The following ITGA9 variants were observed in gnomAD, a reference collection of about 807,000 sequenced individuals.
ITGA9 encodes the protein integrin subunit alpha 9, also known as integrin alpha-9.
Under a neutral mutation model 127.8 loss-of-function variants are expected in ITGA9, and 56 were observed. The observed-to-expected ratio is 0.44, with a 90% CI of 0.35 to 0.55. ITGA9 has a LOEUF of 0.55. Among genes scored for constraint, ITGA9 ranks in the 20% least tolerant of loss-of-function variants. ITGA9 has a pLI of 0.00. For synonymous variants in ITGA9, 508 were observed against 514.5 expected (o/e 0.99, Z 0.17); for missense variants, 1,196 against 1,347.1 (o/e 0.89, Z 1.76).
intron 17 of ITGA9, among the ~76,000 whole-genome samples, chr3:37,665,698 A>G (rs1388185403): frequency 6.6e-6 from 1 of 151,778 alleles, no homozygotes; most frequent in Non-Finnish European, 1.5e-5. Flanking sequence ...CAAGCAATCC[A>G]CCTGCCTTGG....
chr3:37,543,115 A>G (rs1325908976), intron 15 of ITGA9, among the ~76,000 whole-genome samples: 5 of 152,186 alleles, frequency 3.3e-5, no homozygotes, highest in African/African-American at 4.8e-5. Context: ...ATAAACTTGC[A>G]AATGTTTTTC....
At chr3:37,523,862 C>T (rs573319965) in intron 12 of ITGA9, among the ~76,000 whole-genome samples, 80 of 152,082 alleles carry the variant, frequency 5.3e-4, no homozygotes, top group Middle Eastern at 3.4e-3. Flanking sequence ...GTTTCTGGGG[C>T]GGTAATTCTA....
At chr3:37,813,147 G>A (rs1697388769) in intron 27 of ITGA9, among the ~76,000 whole-genome samples, 1 of 152,180 alleles carries the variant, frequency 6.6e-6, no homozygotes. Context: ...AGGGGCTCGT[G>A]GGTTTCCTGG....
chr3:37,742,162 C>T (rs1696445517), intron 21 of ITGA9, among the ~76,000 whole-genome samples: 1 of 152,218 alleles, frequency 6.6e-6, no homozygotes, highest in Admixed American at 6.5e-5. Context: ...TAACAAGCAG[C>T]ATGGCTCCTG....
chr3:37,666,809 G>A (rs1287005245), intron 17 of ITGA9, among the ~76,000 whole-genome samples: 1 of 152,202 alleles, frequency 6.6e-6, no homozygotes, highest in Non-Finnish European at 1.5e-5. Context: ...GTCAATCAGT[G>A]CATCATCCCC....
intron 15 of ITGA9, among the ~76,000 whole-genome samples, chr3:37,567,863 T>A (rs1020110555): frequency 5.3e-5 from 8 of 152,174 alleles, no homozygotes; most frequent in Admixed American, 3.9e-4. Context: ...ACCTGGCTGC[T>A]TTCACTGGCT....
At chr3:37,632,643 C>T (rs993093770) in intron 16 of ITGA9, among the ~76,000 whole-genome samples, 4 of 152,112 alleles carry the variant, frequency 2.6e-5, no homozygotes, top group Non-Finnish European at 5.9e-5. Context: ...TTATCATAGA[C>T]ACATCATTTT....
intron 22 of ITGA9, 68 bp downstream of exon 22, chr3:37,744,102 A>C (rs1249643134): frequency 1.9e-6 from 2 of 1,042,626 alleles, no homozygotes; most frequent in African/African-American, 3.1e-5. Context: ...TGTCTCTCCT[A>C]CAGAGGGCTA....
chr3:37,548,700 T>A (rs1699351099), intron 15 of ITGA9, among the ~76,000 whole-genome samples: 4 of 152,194 alleles, frequency 2.6e-5, no homozygotes. Context: ...CATAGTATCC[T>A]GGCTGAGGAC....
chr3:37,818,817 C>T, intron 27 of ITGA9, 74 bp from the exon 28 acceptor site: 1 of 1,115,426 alleles, frequency 9.0e-7, no homozygotes, highest in East Asian at 2.4e-5. Flanking sequence ...TACCCAGGGA[C>T]AGACTGCCTT....
intron 17 of ITGA9, among the ~76,000 whole-genome samples, chr3:37,659,884 C>G (rs534988450): frequency 1.3e-5 from 2 of 152,074 alleles, no homozygotes; most frequent in South Asian, 4.2e-4. Flanking sequence ...TACACTAGTA[C>G]ATTTTAACTT....
chr3:37,782,157 A>G (rs767902865), intron 25 of ITGA9, among the ~76,000 whole-genome samples: 5 of 152,218 alleles, frequency 3.3e-5, no homozygotes, highest in Non-Finnish European at 5.9e-5. Context: ...GCCTCTGCAT[A>G]TGTACCTGTC....
chr3:37,658,838 C>T (rs1257974584), intron 17 of ITGA9, among the ~76,000 whole-genome samples: 1 of 152,092 alleles, frequency 6.6e-6, no homozygotes, highest in Non-Finnish European at 1.5e-5. Context: ...TTTTCCTTTC[C>T]ATGTTTAGTG....
intron 13 of ITGA9, among the ~76,000 whole-genome samples, chr3:37,529,913 C>T (rs539521645): frequency 2.3e-4 from 35 of 150,364 alleles, no homozygotes; most frequent in African/African-American, 7.6e-4. Flanking sequence ...GGTTCAGTTC[C>T]GGTACATGGG....
intron 18 of ITGA9, among the ~76,000 whole-genome samples, chr3:37,700,717 C>A (rs1423723585): frequency 6.6e-6 from 1 of 152,130 alleles, no homozygotes; most frequent in African/African-American, 2.4e-5. Context: ...GTGGTAGGAT[C>A]TCAATCTTTG....
intron 25 of ITGA9, among the ~76,000 whole-genome samples, chr3:37,783,807 AT>A (rs1237939694): frequency 2.6e-5 from 4 of 152,242 alleles, no homozygotes; most frequent in Non-Finnish European, 5.9e-5. Context: ...TCCCAAAAGC[AT>A]TTAAAATGTG....
At chr3:37,545,266 C>T (rs1699314744) in intron 15 of ITGA9, among the ~76,000 whole-genome samples, 1 of 152,156 alleles carries the variant, frequency 6.6e-6, no homozygotes, top group African/African-American at 2.4e-5. Flanking sequence ...TATCACACAC[C>T]ATATGGCTAG....
chr3:37,578,659 A>T (rs879511226), intron 15 of ITGA9, among the ~76,000 whole-genome samples: 12 of 152,114 alleles, frequency 7.9e-5, no homozygotes, highest in Non-Finnish European at 1.2e-4. Flanking sequence ...TTGGATTTAG[A>T]TGGGCTCAGG....
intron 26 of ITGA9, among the ~76,000 whole-genome samples, chr3:37,793,210 G>A (rs1431889968): frequency 1.3e-5 from 2 of 151,864 alleles, no homozygotes; most frequent in Non-Finnish European, 2.9e-5. Flanking sequence ...CCCTCTTGGT[G>A]GCTTCCATAC....
Sources: allele counts gnomAD v4.1 joint callset (sites outside exome capture counted in the v4.1 genomes callset), GRCh38; gene constraint gnomAD v4.1.1; transcripts MANE v1.5; gene names NCBI Gene and HGNC (gene_info 2026-07-23, HGNC 2026-07-21).